Variants in RASA3 observed in about 807,000 individuals in gnomAD.
The protein encoded by RASA3 is RAS p21 protein activator 3.
Under a neutral mutation model 110.0 loss-of-function variants are expected in RASA3, and 73 were observed. That is an observed-to-expected ratio of 0.66 (90% CI 0.55 to 0.81). The LOEUF is 0.81. Among genes scored for constraint, RASA3 ranks in the 30% least tolerant of loss-of-function variants. RASA3 has a pLI of 0.00. For synonymous variants in RASA3, 500 were observed against 451.4 expected (o/e 1.11, Z -1.37); for missense variants, 976 against 1,113.2 (o/e 0.88, Z 1.75).
At chr13:114,120,499 C>CT (rs2080361069) in intron 1 of RASA3, among the ~76,000 whole-genome samples, 1 of 21,770 alleles carries the variant, frequency 4.6e-5, no homozygotes, top group Non-Finnish European at 1.8e-4. Context: ...TCGATCAGGG[C>CT]CCCCCCTCCT....
intron 3 of RASA3, among the ~76,000 whole-genome samples, chr13:114,044,658 A>G (rs942344944): frequency 1.4e-5 from 2 of 147,300 alleles, no homozygotes; most frequent in African/African-American, 5.1e-5. Flanking sequence ...TTTCCCCCAC[A>G]ACACGAACCT....
chr13:113,990,541 G>A (rs1333830062), intron 22 of RASA3, among the ~76,000 whole-genome samples: 2 of 152,218 alleles, frequency 1.3e-5, no homozygotes, highest in African/African-American at 2.4e-5. Context: ...GCTATGAGAG[G>A]GCTGGGAAGA....
intron 1 of RASA3, among the ~76,000 whole-genome samples, chr13:114,130,028 C>T (rs1400507761): frequency 6.6e-6 from 1 of 152,220 alleles, no homozygotes; most frequent in African/African-American, 2.4e-5. Context: ...CCCCCTGGCA[C>T]CAGCGCCGCT....
intron 6 of RASA3, among the ~76,000 whole-genome samples, 188 bp from the exon 7 acceptor site, chr13:114,027,649 C>A (rs988468318): frequency 6.6e-6 from 1 of 152,154 alleles, no homozygotes; most frequent in Non-Finnish European, 1.5e-5. Context: ...AAATACCCAG[C>A]GTGAAGAGCA....
chr13:114,029,723 T>C, intron 5 of RASA3, 88 bp downstream of exon 5: 5 of 1,224,814 alleles, frequency 4.1e-6, no homozygotes, highest in Admixed American at 4.0e-5. Context: ...GAAATTCTTG[T>C]GCGTTGGTGT....
rs1483824335 is a variant in RASA3 at position 114,122,112 on chromosome 13, C to T, written c.55+10323G>A. ...GAGGGAGAGGATCTGGGAGGCCAGG[C>T]GTCCCTTCCAGGCTGCGCAGCCGGC... On this transcript the variant is annotated intron_variant, in intron 1 of 23. Transcript: ENST00000334062. Among the ~76,000 whole-genome samples the T allele has an allele frequency of 3.9e-5, 6 of 152,234 alleles. No homozygotes were observed. The East Asian group carries it at 5.8e-4, about 15-fold the overall frequency.
At chr13:114,019,881 G>A (rs373468879) in intron 9 of RASA3, among the ~76,000 whole-genome samples, 32 of 37,864 alleles carry the variant, frequency 8.5e-4, no homozygotes, top group African/African-American at 5.3e-3. Flanking sequence ...TCAGGTGGGT[G>A]GAGCCTGTGT....
At position 114,065,192 on chromosome 13, in the gene RASA3, C is replaced by T. The variant is rs536064975; in HGVS notation, c.173+8528G>A. On this transcript the variant is annotated intron_variant, in intron 2 of 23. Transcript: ENST00000334062. This position sits in a 1 kb window ranked among gnomAD's most constrained non-coding sequence, Gnocchi z 4.1. ...CAGCTGGGACCAGCAGAGAAACCCC[C>T]GCCTTCTCCTCCCTGAGTCACTTCC... Among the ~76,000 whole-genome samples the T allele has an allele frequency of 4.6e-5, 7 of 152,340 alleles. No individual in the cohort carries two copies. The East Asian group carries it at 7.7e-4, about 17-fold the overall frequency.
rs1234842243 is a variant in RASA3 at position 114,014,048 on chromosome 13, C to T, written c.1406-800G>A. ...TCTCTCTCTCCGTCTCTATCTCTCT[C>T]TCCGTCTGTCTCTGCCTCTCTCTCC... On this transcript the variant is annotated intron_variant, in intron 14 of 23. Transcript: ENST00000334062. This position sits in a 1 kb window ranked among gnomAD's most constrained non-coding sequence, Gnocchi z 4.5. 3.2e-5 allele frequency among the ~76,000 whole-genome samples: 4 copies of T among 123,960 alleles called. No individual in the cohort carries two copies. The highest frequency in any genetic ancestry group is 1.0e-4 in the African/African-American group (4 of 38,652). The allele number at this position is 123,960 out of a possible 152,430, so 81.3% of individuals were successfully genotyped here.
At chr13:113,998,804 A>G (rs2053314582) in intron 20 of RASA3, among the ~76,000 whole-genome samples, 1 of 152,242 alleles carries the variant, frequency 6.6e-6, no homozygotes, top group South Asian at 2.1e-4. Context: ...AAAGGCTGGG[A>G]GTGTCCAGTG....
intron 1 of RASA3, among the ~76,000 whole-genome samples, chr13:114,095,643 C>G (rs899075470): frequency 1.3e-5 from 2 of 152,062 alleles, no homozygotes; most frequent in African/African-American, 4.8e-5. Context: ...CTCACACTCA[C>G]AAGTCATCAA....
At chr13:114,007,747 C>CACAGCCCTCGGG in intron 17 of RASA3, 141 bp from the exon 18 acceptor site, 1 of 718,570 alleles carries the variant, frequency 1.4e-6, no homozygotes, top group Non-Finnish European at 2.4e-6. Flanking sequence ...AGTCCTTCCC[C>CACAGCCCTCGGG]GAGGGCTGTG....
Position 114,009,462 on chromosome 13 carries a change from C to T in RASA3, c.1593G>A (p.Ala531=), listed in dbSNP as rs150256705. 7.5e-5 allele frequency: 121 copies of T among 1,607,766 alleles called. No individual in the cohort carries two copies. In the African/African-American group the frequency reaches 1.3e-3, roughly 18 times the overall value. Residue 531 remains alanine (A), a splice_region_variant and synonymous_variant, in exon 17 of 24, where the codon GCG becomes GCA. Transcript: ENST00000334062. ...TAGCCATGTAGGACTCCTTAAAACT[C>T]GCCTAAAATGAAACGGAGATCACTC... The part of the protein sequence containing the change: ...TLGSLSKSKS[A]SFKESYMATF...
chr13:114,029,957 C>T, intron 4 of RASA3, 70 bp from the exon 5 acceptor site: 4 of 1,424,248 alleles, frequency 2.8e-6, no homozygotes, highest in Non-Finnish European at 3.8e-6. Flanking sequence ...GCCGCGCGCC[C>T]AGGGAAAGCC....
chr13:113,998,299 C>T (rs1261020855), intron 20 of RASA3, among the ~76,000 whole-genome samples: 11 of 152,196 alleles, frequency 7.2e-5, no homozygotes, highest in Non-Finnish European at 2.9e-5. Flanking sequence ...CCTCCTCTTC[C>T]CAGCCCTCCT....
chr13:114,039,855 G>A (rs535152222), intron 4 of RASA3, among the ~76,000 whole-genome samples: 14 of 152,340 alleles, frequency 9.2e-5, no homozygotes, highest in African/African-American at 3.1e-4. Flanking sequence ...ACAGGACCGG[G>A]GTGAGCCCCA....
chr13:114,009,517 G>A, intron 16 of RASA3, 53 bp from the exon 17 acceptor site: 1 of 1,189,290 alleles, frequency 8.4e-7, no homozygotes. Flanking sequence ...TCGGCTCACG[G>A]CCCAAATCTG....
chr13:114,037,052 G>C (rs2054291695), intron 4 of RASA3, among the ~76,000 whole-genome samples: 1 of 152,188 alleles, frequency 6.6e-6, no homozygotes, highest in Admixed American at 6.5e-5. Flanking sequence ...GACACCACTC[G>C]GTTCAGGATC....
At chr13:113,994,906 C>T (rs746867421) in intron 21 of RASA3, among the ~76,000 whole-genome samples, 1 of 152,090 alleles carries the variant, frequency 6.6e-6, no homozygotes, top group Non-Finnish European at 1.5e-5. Flanking sequence ...CCTAGGAGGT[C>T]GAGGCTGCAG....
Sources: gnomAD v4.1 joint callset for allele counts (sites outside exome capture counted in the v4.1 genomes callset) on GRCh38, gnomAD v4.1.1 for gene constraint, Gnocchi (gnomAD v3.1) non-coding constraint, MANE v1.5 for transcripts, NCBI Gene and HGNC (gene_info 2026-07-23, HGNC 2026-07-21) for gene names.